Variants in INTS6 observed in about 807,000 individuals in gnomAD.
INTS6 encodes the protein integrator complex subunit 6, also known as DEAD box protein.
A neutral mutation model predicts 104.9 loss-of-function variants in INTS6; 16 were observed. That is an observed-to-expected ratio of 0.15 (90% CI 0.10 to 0.23). INTS6 has a LOEUF of 0.23. Among genes scored for constraint, INTS6 ranks in the 10% least tolerant of loss-of-function variants. INTS6 has a pLI of 1.00. For missense variants in INTS6, 584 were observed against 1,062.8 expected (o/e 0.55, Z 6.26); for synonymous variants, 324 against 358.7 (o/e 0.90, Z 1.09).
chr13:51,405,658 A>G (rs1956548104), intron 4 of INTS6, among the ~76,000 whole-genome samples: 1 of 152,134 alleles, frequency 6.6e-6, no homozygotes, highest in African/African-American at 2.4e-5. Context: ...TAGCAGCCTT[A>G]TTTCCACTTC....
downstream of INTS6, among the ~76,000 whole-genome samples, chr13:51,356,888 T>C (rs1040616669): frequency 1.3e-4 from 20 of 152,142 alleles, no homozygotes; most frequent in African/African-American, 4.1e-4. Context: ...GCAATTATCA[T>C]GTGCCAAGTA....
chr13:51,445,420 A>T (rs1331474530), intron 3 of INTS6: 1 of 152,216 alleles, frequency 6.6e-6, no homozygotes, highest in African/African-American at 2.4e-5. Flanking sequence ...TTAATTTCAA[A>T]ATTAAAGCTG....
chr13:51,435,151 TAAGCTCTGCTACAACAAAG>T (rs1386738579), intron 3 of INTS6, among the ~76,000 whole-genome samples: 12 of 152,040 alleles, frequency 7.9e-5, no homozygotes, highest in Admixed American at 7.9e-4. Flanking sequence ...AAAAAAAATC[TAAGCTCTGCTACAACAAAG>T]ACAGCCAGTA....
intron 3 of INTS6, chr13:51,448,581 T>G (rs1054730918): frequency 2.0e-5 from 3 of 152,232 alleles, no homozygotes; most frequent in Admixed American, 2.0e-4. Flanking sequence ...AGTTAACAAA[T>G]GCAATATAGA....
chr13:51,452,585 G>C lies in INTS6; in HGVS notation c.-60C>G. ...GGAGAAAGAGGAGATGGTAGAGGTG[G>C]AGGCGCCGGTGGCGGCGACCGCCGC... On this transcript the variant is annotated 5_prime_UTR_variant, in exon 1 of 18. Coordinates refer to ENST00000311234, the MANE Select transcript of INTS6 (RefSeq NM_012141.3). The surrounding 1 kb of genome is among the most constrained non-coding windows in gnomAD (Gnocchi z 4.2). The C allele has an allele frequency of 6.3e-7, 1 of 1,578,438 alleles. No individual in the cohort carries two copies. The highest frequency in any genetic ancestry group is 8.6e-7 in the Non-Finnish European group (1 of 1,160,276).
chr13:51,424,540 A>G (rs1055615442), intron 4 of INTS6, among the ~76,000 whole-genome samples: 1 of 152,072 alleles, frequency 6.6e-6, no homozygotes, highest in African/African-American at 2.4e-5. Flanking sequence ...TACCAGCAGT[A>G]ATAAATCCAG....
At chr13:51,425,576 A>C (rs946542467) in intron 4 of INTS6, among the ~76,000 whole-genome samples, 7 of 152,118 alleles carry the variant, frequency 4.6e-5, no homozygotes, top group African/African-American at 1.7e-4. Flanking sequence ...CTGCTACACT[A>C]TCCTGGAATG....
chr13:51,389,689 G>A (rs528572379), intron 5 of INTS6, among the ~76,000 whole-genome samples: 10 of 152,000 alleles, frequency 6.6e-5, no homozygotes, highest in Non-Finnish European at 1.3e-4. Flanking sequence ...CTAATTACAG[G>A]TATTTGGAAC....
At chr13:51,445,917 T>C (rs369082712) in intron 3 of INTS6, 18 of 152,182 alleles carry the variant, frequency 1.2e-4, no homozygotes, top group East Asian at 7.7e-4. Flanking sequence ...TTATACCATA[T>C]ACAAAAATTA....
intron 3 of INTS6, chr13:51,436,319 C>A (rs896436703): frequency 1.3e-5 from 2 of 152,056 alleles, no homozygotes; most frequent in African/African-American, 4.8e-5. Context: ...ATATAAAAAT[C>A]TGGTAACAGA....
intron 4 of INTS6, among the ~76,000 whole-genome samples, chr13:51,400,047 A>G (rs1416481827): frequency 6.6e-6 from 1 of 152,230 alleles, no homozygotes; most frequent in Non-Finnish European, 1.5e-5. Flanking sequence ...CAGCAGTGGC[A>G]TTAGATTCTC....
At chr13:51,334,719 C>T in the INTS6 span, among the ~76,000 whole-genome samples, 1 of 152,092 alleles carries the variant, frequency 6.6e-6, no homozygotes, top group East Asian at 1.9e-4. Flanking sequence ...TGGTGGCTCA[C>T]GCCTGTAATC....
intron 4 of INTS6, among the ~76,000 whole-genome samples, chr13:51,413,285 G>A (rs980744936): frequency 2.0e-5 from 3 of 152,026 alleles, no homozygotes; most frequent in Non-Finnish European, 4.4e-5. Flanking sequence ...TCCCTTACCT[G>A]GGTATTTCTT....
At chr13:51,396,044 C>G (rs60448268) in intron 4 of INTS6, among the ~76,000 whole-genome samples, 3 of 152,048 alleles carry the variant, frequency 2.0e-5, no homozygotes, top group African/African-American at 7.2e-5. Context: ...GTGACCCACA[C>G]GCCTCGGCCT....
the INTS6 span, chr13:51,335,946 T>C: frequency 6.6e-6 from 1 of 152,086 alleles, no homozygotes; most frequent in Non-Finnish European, 1.5e-5. Context: ...GGAAACAAAA[T>C]GACAATCAAG....
intron 15 of INTS6, among the ~76,000 whole-genome samples, chr13:51,369,580 T>C (rs1955764742): frequency 6.6e-6 from 1 of 152,200 alleles, no homozygotes; most frequent in African/African-American, 2.4e-5. Flanking sequence ...TCTGGTTTAT[T>C]CTATAGCAAT....
chr13:51,344,592 C>A, the INTS6 span: 1 of 833,080 alleles, frequency 1.2e-6, no homozygotes, highest in Non-Finnish European at 2.0e-6. Flanking sequence ...CCTTCAATTA[C>A]AGCAGAAGTC....
intron 4 of INTS6, among the ~76,000 whole-genome samples, chr13:51,413,654 A>G (rs980099194): frequency 2.6e-5 from 4 of 152,202 alleles, no homozygotes; most frequent in African/African-American, 4.8e-5. Context: ...AGTAGTATGG[A>G]TTCATGACCT....
chr13:51,356,239 T>G (rs1027275867), intron 3 of INTS6, among the ~76,000 whole-genome samples: 3 of 152,026 alleles, frequency 2.0e-5, no homozygotes, highest in African/African-American at 7.3e-5. Flanking sequence ...TGGCACACAG[T>G]TGGATACCAA....
Sources: allele counts gnomAD v4.1 joint callset (sites outside exome capture counted in the v4.1 genomes callset), GRCh38; gene constraint gnomAD v4.1.1; non-coding constraint Gnocchi (gnomAD v3.1); transcripts MANE v1.5; gene names NCBI Gene and HGNC (gene_info 2026-07-23, HGNC 2026-07-21).